ADGRG2: variants seen among roughly 807,000 people sequenced by gnomAD.
The protein encoded by ADGRG2 is G protein-coupled receptor 64.
Under a neutral mutation model 74.1 loss-of-function variants are expected in ADGRG2, and 26 were observed. The ratio of observed to expected loss-of-function variants is 0.35; its 90% CI spans 0.26 to 0.49. The LOEUF (loss-of-function observed/expected upper bound fraction) is 0.49. ADGRG2 is among the 20% of genes least tolerant of loss of function. The pLI, the probability that ADGRG2 is intolerant of heterozygous loss-of-function variation, is 0.99. For missense variants in ADGRG2, 619 were observed against 763.1 expected (o/e 0.81, Z 2.22); for synonymous variants, 296 against 295.2 (o/e 1.00, Z -0.03).
chrX:19,039,208 C>T (rs1187774862), intron 4 of ADGRG2: 4 of 328,987 alleles, frequency 1.2e-5, no homozygotes, highest in African/African-American at 1.1e-4. Context: ...CAAATTACAA[C>T]TCAAGTCATC....
chrX:19,023,453 T>C lies in ADGRG2; in HGVS notation c.511A>G (p.Thr171Ala). 3 of 1,096,792 alleles carry C rather than the reference T, an allele frequency of 2.7e-6. No homozygotes were observed. Among genetic ancestry groups the C allele is most frequent in the Non-Finnish European group, 3.7e-6 (3 of 803,648 alleles). 90.4% of individuals were successfully genotyped at this position (1,096,792 alleles called of 1,213,427 possible). A position where few individuals can be genotyped will look rare whatever the true frequency, so the allele number is the denominator to read the frequency against. ...GCTGTAGCACACATTATAAAGTAAGTCTGAAACAAAACAAAAAACACGTAT... is the reference window on the plus strand; with the variant it reads ...GCTGTAGCACACATTATAAAGTAAGCCTGAAACAAAACAAAAAACACGTAT... ...LNKTLQTLSETYFIMCATAEA... is the reference protein window; with the variant it reads ...LNKTLQTLSEAYFIMCATAEA... Residue 171 changes from threonine (T) to alanine (A), a missense_variant and splice_region_variant, in exon 13 of 29, where the codon ACT (threonine) becomes GCT (alanine). Transcript: ENST00000379869.
intron 1 of ADGRG2, among the ~76,000 whole-genome samples, chrX:19,112,156 C>T (rs928701923): frequency 2.7e-5 from 3 of 110,342 alleles, no homozygotes; most frequent in South Asian, 3.9e-4. Flanking sequence ...ATTGCAACCT[C>T]GATCTCCTGG....
intron 1 of ADGRG2, among the ~76,000 whole-genome samples, chrX:19,116,936 A>G (rs951491500): frequency 1.8e-5 from 2 of 112,321 alleles, no homozygotes; most frequent in Non-Finnish European, 3.8e-5. Context: ...CACACAGGAG[A>G]AAGACAAAGA....
chrX:19,095,640 G>C (rs1218501202), intron 1 of ADGRG2, among the ~76,000 whole-genome samples: 1 of 111,665 alleles, frequency 9.0e-6, no homozygotes, highest in African/African-American at 3.3e-5. Context: ...TGAGGAAAAA[G>C]TAAACATCAA....
At position 19,019,594 on chromosome X, in the gene ADGRG2, C is replaced by T. The variant is rs775997380; in HGVS notation, c.710+5G>A. 2 of 896,508 alleles carry T rather than the reference C, an allele frequency of 2.2e-6. No individual in the cohort carries two copies. The highest frequency in any genetic ancestry group is 2.1e-5 in the South Asian group (1 of 48,660). 73.9% of individuals were successfully genotyped at this position (896,508 alleles called of 1,213,427 possible). On this transcript the variant is annotated splice_donor_5th_base_variant and intron_variant, in intron 15 of 28. Transcript: ENST00000379869. The stretch of plus-strand genomic sequence containing the variant: ...AGGAGAAGGGTCAGCATGTTTGTTA[C>T]ATACCACTGAAGCTTTTCCAACTCT...
intron 1 of ADGRG2, among the ~76,000 whole-genome samples, chrX:19,096,713 C>T (rs1235361989): frequency 9.0e-6 from 1 of 111,569 alleles, no homozygotes; most frequent in African/African-American, 3.3e-5. Context: ...TGATAACAGC[C>T]AGTGTTTAAT....
At chrX:19,075,547 G>A (rs2061731521) in intron 2 of ADGRG2, among the ~76,000 whole-genome samples, 1 of 104,494 alleles carries the variant, frequency 9.6e-6, no homozygotes, top group African/African-American at 3.5e-5. Flanking sequence ...GAACCTGGGA[G>A]GCAGAGGTTG....
At chrX:19,027,095 A>G (rs2069758536) in intron 11 of ADGRG2, 124 bp downstream of exon 11, 2 of 566,965 alleles carry the variant, frequency 3.5e-6, no homozygotes, top group East Asian at 3.3e-5. Context: ...TCAAGAACCA[A>G]TTGGCTCTAT....
At chrX:19,082,959 A>C (rs750000916) in intron 1 of ADGRG2, among the ~76,000 whole-genome samples, 1 of 110,742 alleles carries the variant, frequency 9.0e-6, no homozygotes, top group Non-Finnish European at 1.9e-5. Context: ...CTGGAAGCAC[A>C]AGCCCAAAGC....
At position 19,000,743 on chromosome X, in the gene ADGRG2, AC is replaced by A. The variant is rs749094680; in HGVS notation, c.2231-784del. ...CTGCCAGTGTTGCCTTTAACTCCCC[AC>A]CCCCCACCCGGCCCCCCTCTGTCAC... On this transcript the variant is annotated intron_variant, in intron 24 of 28. Coordinates refer to ENST00000379869, the MANE Select transcript of ADGRG2 (RefSeq NM_001079858.3). Among the ~76,000 whole-genome samples the A allele has an allele frequency of 4.3e-3, 195 of 45,331 alleles. 1 individual carries two copies. Among genetic ancestry groups the A allele is most frequent in the African/African-American group, 0.015 (183 of 12,028 alleles). 39.4% of individuals were successfully genotyped at this position (45,331 alleles called of 115,157 possible). A position where few individuals can be genotyped will look rare whatever the true frequency, so the allele number is the denominator to read the frequency against.
intron 1 of ADGRG2, among the ~76,000 whole-genome samples, chrX:19,094,417 A>T (rs765993732): frequency 1.8e-5 from 2 of 110,623 alleles, no homozygotes; most frequent in African/African-American, 6.6e-5. Context: ...AGCAGGCCTC[A>T]GTGACCAGGC....
intron 3 of ADGRG2, among the ~76,000 whole-genome samples, chrX:19,051,629 T>C (rs1457022294): frequency 8.9e-6 from 1 of 111,937 alleles, no homozygotes; most frequent in Middle Eastern, 4.2e-3. Flanking sequence ...CTTCAGAGGA[T>C]AGGTGACAAA....
intron 3 of ADGRG2, among the ~76,000 whole-genome samples, chrX:19,054,888 G>T (rs5909107): frequency 9.1e-6 from 1 of 110,223 alleles, no homozygotes; most frequent in South Asian, 3.9e-4. Context: ...AGGGAGGTGC[G>T]GGGCCTGTAA....
chrX:19,104,916 CAAAAAAA>C (rs1001242331), intron 1 of ADGRG2, among the ~76,000 whole-genome samples: 16 of 23,370 alleles, frequency 6.8e-4, no homozygotes, highest in East Asian at 1.6e-3. Context: ...GACTCTGTCT[CAAAAAAA>C]AAAAAAAAAA....
intron 3 of ADGRG2, among the ~76,000 whole-genome samples, chrX:19,052,220 T>A (rs1400370743): frequency 1.8e-5 from 2 of 112,043 alleles, no homozygotes; most frequent in Non-Finnish European, 3.8e-5. Context: ...ACCATCTCCA[T>A]TCACTCTATG....
At chrX:19,121,097 T>C (rs1007320039) in intron 1 of ADGRG2, among the ~76,000 whole-genome samples, 3 of 111,687 alleles carry the variant, frequency 2.7e-5, no homozygotes, top group African/African-American at 9.8e-5. Context: ...AAACATTTAC[T>C]GTTTATTCTC....
At chrX:19,109,789 G>A (rs762726438) in intron 1 of ADGRG2, among the ~76,000 whole-genome samples, 42 of 112,004 alleles carry the variant, frequency 3.7e-4, no homozygotes, top group Non-Finnish European at 6.2e-4. Flanking sequence ...TGGAATCTGA[G>A]AACCAGTCTT....
At chrX:19,040,296 G>T (rs2061031515) in intron 3 of ADGRG2, 72 bp from the exon 4 acceptor site, 1 of 684,126 alleles carries the variant, frequency 1.5e-6, no homozygotes. Context: ...ACTATATTAA[G>T]GATTTTTTGT....
At position 19,063,344 on chromosome X, in the gene ADGRG2, C is replaced by T. The variant is rs569572486; in HGVS notation, c.118+5373G>A. 2.3e-4 allele frequency among the ~76,000 whole-genome samples: 26 copies of T among 112,039 alleles called. No individual in the cohort carries two copies. The South Asian group carries it at 9.7e-3, about 42-fold the overall frequency. On this transcript the variant is annotated intron_variant, in intron 3 of 28. Coordinates refer to ENST00000379869, the MANE Select transcript of ADGRG2 (RefSeq NM_001079858.3). ...CCTCTCCACTCCCCTAGCCCTGCAC[C>T]TCAGTGACATGCTCATTCAGTCCCC...
Sources: allele counts gnomAD v4.1 joint callset (sites outside exome capture counted in the v4.1 genomes callset), GRCh38; gene constraint gnomAD v4.1.1; transcripts MANE v1.5; gene names NCBI Gene and HGNC (gene_info 2026-07-23, HGNC 2026-07-21).